ME3: variants seen among roughly 807,000 people sequenced by gnomAD.
ME3 encodes malic enzyme 3.
In ME3, 48 loss-of-function variants were observed where a neutral mutation model predicts 68.9. The observed-to-expected ratio is 0.70, with a 90% confidence interval of 0.55 to 0.89. The LOEUF is 0.89. ME3 is among the 40% of genes least tolerant of loss of function. ME3 has a pLI of 0.00. For synonymous variants in ME3, 320 were observed against 318.8 expected (o/e 1.00, Z -0.04); for missense variants, 675 against 797.4 (o/e 0.85, Z 1.85).
At chr11:86,656,717 G>A (rs952692002) in intron 2 of ME3, among the ~76,000 whole-genome samples, 2 of 152,076 alleles carry the variant, frequency 1.3e-5, no homozygotes, top group Admixed American at 1.3e-4. Context: ...CCTGCACGTT[G>A]TGCACATGTA....
chr11:86,639,651 G>A (rs1404122135), intron 2 of ME3, among the ~76,000 whole-genome samples: 1 of 152,160 alleles, frequency 6.6e-6, no homozygotes, highest in Non-Finnish European at 1.5e-5. Context: ...CATAAACTCA[G>A]TTGTGTTGAT....
At position 86,631,154 on chromosome 11, in the gene ME3, C is replaced by T. The variant is rs113074912; in HGVS notation, c.183+40608G>A. 1.6e-3 allele frequency among the ~76,000 whole-genome samples: 251 copies of T among 152,280 alleles called. 1 individual carries two copies. The highest frequency in any genetic ancestry group is 0.01 in the Middle Eastern group (3 of 294). The stretch of plus-strand genomic sequence containing the variant: ...GCAGATGTTAGGTTGAACAAAATCC[C>T]TCTTAACAAGCAGTTACAAAATAGT... On this transcript the variant is annotated intron_variant, in intron 2 of 14. Transcript: ENST00000543262.
At chr11:86,464,124 G>C in intron 8 of ME3, 1 of 451,354 alleles carries the variant, frequency 2.2e-6, no homozygotes, top group Non-Finnish European at 4.4e-6. Context: ...CTCTGGAGAA[G>C]TCATCTGCAA....
intron 3 of ME3, 31 bp from the exon 4 acceptor site, chr11:86,556,733 A>C (rs766529955): frequency 6.2e-7 from 1 of 1,606,266 alleles, no homozygotes; most frequent in Non-Finnish European, 8.5e-7. Flanking sequence ...GCAAGCTGAC[A>C]TGTGGTAGCA....
At chr11:86,671,724 G>A in intron 2 of ME3, 38 bp downstream of exon 2, 7 of 1,590,620 alleles carry the variant, frequency 4.4e-6, no homozygotes, top group Non-Finnish European at 6.0e-6. Flanking sequence ...GCAGCCACGG[G>A]ATCGCAACGC....
chr11:86,608,936 T>A (rs1439733710), intron 2 of ME3, among the ~76,000 whole-genome samples: 1 of 152,184 alleles, frequency 6.6e-6, no homozygotes, highest in Non-Finnish European at 1.5e-5. Flanking sequence ...GGATAACAAT[T>A]GACATGATCG....
chr11:86,529,494 C>T (rs1304243256), intron 4 of ME3, among the ~76,000 whole-genome samples: 1 of 152,178 alleles, frequency 6.6e-6, no homozygotes, highest in Non-Finnish European at 1.5e-5. Context: ...GGAATCCTCC[C>T]TAACTCATTT....
intron 4 of ME3, among the ~76,000 whole-genome samples, chr11:86,551,891 T>C (rs1232369620): frequency 6.6e-6 from 1 of 152,228 alleles, no homozygotes; most frequent in Non-Finnish European, 1.5e-5. Context: ...AGCCTCACCT[T>C]TCTAACTCAT....
At chr11:86,473,076 A>G (rs1950869916) in intron 7 of ME3, among the ~76,000 whole-genome samples, 1 of 152,256 alleles carries the variant, frequency 6.6e-6, no homozygotes, top group Non-Finnish European at 1.5e-5. Flanking sequence ...GTTCTCAGGC[A>G]GCGCCTGTGC....
At chr11:86,462,549 A>G (rs1950273217) in intron 8 of ME3, 2 of 1,240,612 alleles carry the variant, frequency 1.6e-6, no homozygotes, top group Middle Eastern at 2.3e-4. Context: ...GCAGGTGTCC[A>G]GTGTAGACAT....
chr11:86,484,777 G>A (rs574621545), intron 7 of ME3, among the ~76,000 whole-genome samples: 5 of 152,350 alleles, frequency 3.3e-5, no homozygotes, highest in Middle Eastern at 3.4e-3. Context: ...CAGCATTGTA[G>A]AAAGAGTCTG....
chr11:86,437,031 G>T (rs1948902211), downstream of ME3: 1 of 152,002 alleles, frequency 6.6e-6, no homozygotes. Context: ...CCAAAATACT[G>T]CACATTATAC....
At chr11:86,579,728 T>C (rs1958326312) in intron 2 of ME3, among the ~76,000 whole-genome samples, 1 of 152,186 alleles carries the variant, frequency 6.6e-6, no homozygotes, top group African/African-American at 2.4e-5. Flanking sequence ...ATAATTACAG[T>C]TTGGGTACCA....
exon 1 of ME3, chr11:86,672,505 C>T (rs1282035539): frequency 6.6e-6 from 1 of 152,226 alleles, no homozygotes; most frequent in Non-Finnish European, 1.5e-5. Flanking sequence ...CCTGGCTTCC[C>T]CTGAGGACGC....
chr11:86,639,749 G>T (rs10501626), intron 2 of ME3, among the ~76,000 whole-genome samples: 25,618 of 152,216 alleles, frequency 0.17, 2,255 homozygotes, highest in Non-Finnish European at 0.19. Flanking sequence ...CATTAAAGCA[G>T]AAAACTTCAA....
chr11:86,656,339 G>T (rs931408467), intron 2 of ME3, among the ~76,000 whole-genome samples: 4 of 151,608 alleles, frequency 2.6e-5, no homozygotes, highest in Non-Finnish European at 5.9e-5. Context: ...GCAAAGACTT[G>T]GAACCAACCC....
chr11:86,465,553 A>G (rs1357051176), intron 7 of ME3, among the ~76,000 whole-genome samples: 1 of 152,136 alleles, frequency 6.6e-6, no homozygotes, highest in Non-Finnish European at 1.5e-5. Context: ...GCCTGTGGCC[A>G]TCTGAGATCC....
At chr11:86,610,405 A>T (rs1295293234) in intron 2 of ME3, among the ~76,000 whole-genome samples, 3 of 152,190 alleles carry the variant, frequency 2.0e-5, no homozygotes, top group African/African-American at 7.2e-5. Context: ...CTGATATTTC[A>T]TGGAGAAAGG....
Position 86,450,335 on chromosome 11 carries a change from GAA to G in ME3, c.981_982del (p.Ser328GlnfsTer44). The G allele has an allele frequency of 6.2e-7, 1 of 1,614,144 alleles. No individual in the cohort carries two copies. The highest frequency in any genetic ancestry group is 1.3e-5 in the African/African-American group (1 of 75,058). ...ACCTTGGAAAACAAACACGTGATTGGAAAGCTTGTTCTTGGTGATTCGCAGAG... is the reference window on the plus strand; with the variant it reads ...ACCTTGGAAAACAAACACGTGATTGGAGCTTGTTCTTGGTGATTCGCAGAG... On this transcript the variant is annotated frameshift_variant, in exon 9 of 15. Coordinates refer to ENST00000543262, the Ensembl canonical transcript of ME3. LOFTEE classifies it high-confidence loss of function.
Sources: allele counts gnomAD v4.1 joint callset (sites outside exome capture counted in the v4.1 genomes callset), GRCh38; gene constraint gnomAD v4.1.1; transcripts MANE v1.5; gene names NCBI Gene and HGNC (gene_info 2026-07-23, HGNC 2026-07-21).